Variants in CDH19 observed in about 807,000 individuals in gnomAD.
CDH19 encodes the protein cadherin 19.
Under a neutral mutation model 64.2 loss-of-function variants are expected in CDH19, and 67 were observed. The ratio of observed to expected loss-of-function variants is 1.04; its 90% confidence interval spans 0.86 to 1.28. The LOEUF (loss-of-function observed/expected upper bound fraction) is 1.28, where lower values mean the gene tolerates loss of function less well. CDH19 is among the 50% of genes most tolerant of loss of function. The pLI is 0.00. For synonymous variants in CDH19, 346 were observed against 319.3 expected, an observed-to-expected ratio of 1.08 and a Z score of -0.89; for missense variants, 1,030 against 929.0, an observed-to-expected ratio of 1.11 and a Z score of -1.41.
chr18:66,581,512 C>A (rs1314475129), intron 1 of CDH19, among the ~76,000 whole-genome samples: 1 of 152,002 alleles, frequency 6.6e-6, no homozygotes, highest in Admixed American at 6.6e-5. Flanking sequence ...TGGGCACCAT[C>A]CAGTCACAGC....
At chr18:66,581,934 T>C (rs1205595447) in intron 1 of CDH19, among the ~76,000 whole-genome samples, 1 of 152,166 alleles carries the variant, frequency 6.6e-6, no homozygotes, top group Non-Finnish European at 1.5e-5. Context: ...ACATCCCATA[T>C]GCTAGGACTT....
At chr18:66,535,559 T>G (rs1009620228) in intron 7 of CDH19, among the ~76,000 whole-genome samples, 1 of 149,026 alleles carries the variant, frequency 6.7e-6, no homozygotes, top group Admixed American at 6.7e-5. Context: ...TTAATTCTTT[T>G]GGGAAACCTG....
At chr18:66,556,743 G>C (rs1054101461) in intron 3 of CDH19, among the ~76,000 whole-genome samples, 33 of 151,860 alleles carry the variant, frequency 2.2e-4, no homozygotes, top group African/African-American at 7.7e-4. Flanking sequence ...TAAATAATTG[G>C]CAAAGAACCT....
At chr18:66,508,397 C>A in intron 11 of CDH19, among the ~76,000 whole-genome samples, 1 of 139,910 alleles carries the variant, frequency 7.1e-6, no homozygotes, top group Admixed American at 7.5e-5. Flanking sequence ...TTTTACTGCG[C>A]TGTTTTTTTT....
rs1003863346 is a variant in CDH19 at position 66,501,845 on chromosome 18, GAA to G, written c.*2965_*2966del. 8.5e-5 allele frequency: 13 copies of G among 152,174 alleles called. No homozygotes were observed. Among genetic ancestry groups the G allele is most frequent in the African/African-American group, 3.1e-4 (13 of 41,542 alleles). 9.4% of individuals were successfully genotyped at this position (152,174 alleles called of 1,614,324 possible). A position where few individuals can be genotyped will look rare whatever the true frequency, so the allele number is the denominator to read the frequency against. ...ACAAATATTATATGTTCGCTTAATT[GAA>G]AGTAACTAATTCAAACAAAGATCTG... On this transcript the variant is annotated 3_prime_UTR_variant, in exon 12 of 12. Transcript: ENST00000262150.
chr18:66,538,734 TG>T (rs1388223610), intron 7 of CDH19, among the ~76,000 whole-genome samples: 33 of 152,262 alleles, frequency 2.2e-4, no homozygotes, highest in African/African-American at 7.7e-4. Flanking sequence ...ATGCTTCCTT[TG>T]AAGCCTGTAG....
intron 1 of CDH19, among the ~76,000 whole-genome samples, chr18:66,572,888 CTT>C (rs1356851219): frequency 1.3e-5 from 2 of 151,600 alleles, no homozygotes; most frequent in Non-Finnish European, 3.0e-5. Flanking sequence ...GATATTTACT[CTT>C]TTTTAATTTC....
intron 1 of CDH19, among the ~76,000 whole-genome samples, chr18:66,593,172 A>T (rs551286774): frequency 5.9e-5 from 9 of 151,948 alleles, no homozygotes; most frequent in Non-Finnish European, 1.3e-4. Flanking sequence ...AAATTTTTCC[A>T]TATACTTATT....
Position 66,583,223 on chromosome 18 carries a change from T to G in CDH19, c.-112-10907A>C, listed in dbSNP as rs563283134. Among the ~76,000 whole-genome samples, 97 of 152,236 alleles carry G rather than the reference T, an allele frequency of 6.4e-4. 1 individual carries two copies. The highest frequency in any genetic ancestry group is 1.4e-3 in the South Asian group (7 of 4,828). ...AAAATAAACATCAGACATATAAGCA[T>G]TGATAATTATATTCTTTGTTTAAAA... On this transcript the variant is annotated intron_variant, in intron 1 of 11. Transcript: ENST00000262150.
At position 66,529,910 on chromosome 18, in the gene CDH19, C is replaced by T. The variant is rs761576288; in HGVS notation, c.1393G>A (p.Asp465Asn). 8.8e-6 allele frequency: 14 copies of T among 1,586,608 alleles called. No individual in the cohort carries two copies. The African/African-American group carries it at 9.5e-5, about 11-fold the overall frequency. The change falls in exon 9 of 12, where the codon GAT becomes AAT. Residue 465 changes from aspartate to asparagine, a missense_variant. Coordinates refer to ENST00000262150, the MANE Select transcript of CDH19 (RefSeq NM_021153.4). ...PLYVQVLNIN[D>N]HAPEFSQYYE... ...TATTGAGAGAACTCAGGAGCATGATCATTGATGTTAAGAACTTGCACATAC... is the reference window on the plus strand; with the variant it reads ...TATTGAGAGAACTCAGGAGCATGATTATTGATGTTAAGAACTTGCACATAC...
At chr18:66,540,276 A>G (rs548874970) in intron 7 of CDH19, among the ~76,000 whole-genome samples, 7 of 152,100 alleles carry the variant, frequency 4.6e-5, no homozygotes, top group Non-Finnish European at 8.8e-5. Context: ...CTAACAGGAA[A>G]TAATACACCA....
At chr18:66,540,449 C>G (rs12458644) in intron 7 of CDH19, among the ~76,000 whole-genome samples, 50,973 of 151,990 alleles carry the variant, frequency 0.34, 9,485 homozygotes, top group South Asian at 0.48. Flanking sequence ...TCATCACAGA[C>G]AGCTATTAAA....
intron 1 of CDH19, among the ~76,000 whole-genome samples, chr18:66,593,865 T>G (rs1271490117): frequency 1.3e-5 from 2 of 152,116 alleles, no homozygotes; most frequent in African/African-American, 4.8e-5. Flanking sequence ...CAAAGTAGTC[T>G]TTCAAAGAAG....
At chr18:66,599,442 C>G (rs920975873) in intron 1 of CDH19, among the ~76,000 whole-genome samples, 5 of 151,994 alleles carry the variant, frequency 3.3e-5, no homozygotes, top group Admixed American at 3.3e-4. Context: ...AAATCTCAGA[C>G]AGGAGGAGTA....
At chr18:66,574,929 C>T (rs1988222654) in intron 1 of CDH19, among the ~76,000 whole-genome samples, 1 of 151,654 alleles carries the variant, frequency 6.6e-6, no homozygotes. Flanking sequence ...AATTTCTCAA[C>T]CAATCACAAT....
chr18:66,551,027 TA>T, intron 5 of CDH19, 66 bp downstream of exon 5: 1 of 835,924 alleles, frequency 1.2e-6, no homozygotes, highest in Non-Finnish European at 1.9e-6. Flanking sequence ...GAAAACTATA[TA>T]ATCTACTTAT....
intron 8 of CDH19, among the ~76,000 whole-genome samples, chr18:66,530,383 T>G (rs1986396857): frequency 6.6e-6 from 1 of 152,084 alleles, no homozygotes; most frequent in African/African-American, 2.4e-5. Flanking sequence ...CCATTTAGTT[T>G]CAAAAATTAC....
intron 9 of CDH19, among the ~76,000 whole-genome samples, chr18:66,520,723 A>G (rs1225965423): frequency 6.6e-6 from 1 of 152,074 alleles, no homozygotes; most frequent in Non-Finnish European, 1.5e-5. Flanking sequence ...ACTTTAAAAA[A>G]CAAGTTTTAC....
In CDH19 at chr18:66,504,468, T is replaced by G; in HGVS notation, c.*344A>C. ...TTTTTGCTCCTTTAAATTTTCTCGT[T>G]TGGTATTTTTACTCTTTCCTAAGTA... On this transcript the variant is annotated 3_prime_UTR_variant, in exon 12 of 12. Transcript: ENST00000262150. 1 of 183,554 alleles carries G rather than the reference T, an allele frequency of 5.4e-6. No individual in the cohort carries two copies. The highest frequency in any genetic ancestry group is 1.1e-5 in the Non-Finnish European group (1 of 89,234). The allele number at this position is 183,554 out of a possible 1,614,324, so 11.4% of individuals were successfully genotyped here.
Sources: gnomAD v4.1 joint callset for allele counts (sites outside exome capture counted in the v4.1 genomes callset) on GRCh38, gnomAD v4.1.1 for gene constraint, MANE v1.5 for transcripts, NCBI Gene and HGNC (gene_info 2026-07-23, HGNC 2026-07-21) for gene names.